Variants in VPS41 observed in about 807,000 individuals in gnomAD.
VPS41 encodes the protein vacuolar protein sorting-associated protein 41 homolog.
VPS41 carries 85 observed loss-of-function variants against 130.9 expected under a neutral mutation model. The observed-to-expected ratio is 0.65, with a 90% CI of 0.55 to 0.78. The LOEUF (loss-of-function observed/expected upper bound fraction) is 0.78. VPS41 is among the 30% of genes least tolerant of loss of function. The pLI is 0.00. For missense variants in VPS41, 874 were observed against 1,018.7 expected (o/e 0.86, Z 1.93); for synonymous variants, 335 against 332.9 (o/e 1.01, Z -0.07).
rs199725343 is a variant in VPS41, at chr7:38,832,307, TTTTC to T, written c.247-1983_247-1980del. 3.7e-3 allele frequency among the ~76,000 whole-genome samples: 552 copies of T among 147,490 alleles called. 7 individuals carry two copies. The highest frequency in any genetic ancestry group is 0.013 in the African/African-American group (505 of 39,914). On this transcript the variant is annotated intron_variant, in intron 4 of 28. Coordinates refer to ENST00000310301, the MANE Select transcript of VPS41 (RefSeq NM_014396.4). ...TAAGTCTTTTACATTTCAGAATTCA[TTTTC>T]TTTCTTTCTTTTTTTTTTTTTTTTT...
In VPS41 at chr7:38,796,823, A is replaced by G. The variant is rs779931279; in HGVS notation, c.492T>C (p.Ser164=). The change falls in exon 8 of 29, where the codon TCT becomes TCC. Residue 164 remains serine, a synonymous_variant. Transcript: ENST00000310301. ...FERSWMNRWK[S]AVLHEGEGNI... ...TCCCTTCCCCTTCATGCAGAACAGC[A>G]GACTTCCATCTGTTCATCCAAGACC... is the stretch of plus-strand genomic sequence containing the variant. 2.4e-5 allele frequency: 39 copies of G among 1,613,894 alleles called. No individual in the cohort carries two copies. Among genetic ancestry groups the G allele is most frequent in the Admixed American group, 6.7e-5 (4 of 59,998 alleles).
Position 38,772,589 on chromosome 7 carries a change from A to G in VPS41, c.1061T>C (p.Val354Ala). The change falls in exon 13 of 29, where the codon GTT becomes GCT. Residue 354 changes from valine (V) to alanine (A), a missense_variant. By Grantham distance (64) the Val-to-Ala change is moderately conservative. Coordinates refer to ENST00000310301, the MANE Select transcript of VPS41 (RefSeq NM_014396.4). ...SLFYIVSPRDVVVAKERDQDD... is the reference protein window; with the variant it reads ...SLFYIVSPRDAVVAKERDQDD... ...TTGGTCTCGTTCCTTGGCCACTACA[A>G]CATCTCTCGGACTCACGATGTAAAA... 2 of 1,613,638 alleles carry G rather than the reference A, an allele frequency of 1.2e-6. No homozygotes were observed. The highest frequency in any genetic ancestry group is 1.7e-6 in the Non-Finnish European group (2 of 1,179,694).
chr7:38,789,696 T>C (rs1784501954), intron 10 of VPS41, 105 bp downstream of exon 10: 1 of 1,097,940 alleles, frequency 9.1e-7, no homozygotes, highest in Non-Finnish European at 1.4e-6. Flanking sequence ...AGGAGGCTGC[T>C]GCAGGGATCC....
intron 2 of VPS41, among the ~76,000 whole-genome samples, chr7:38,886,008 G>A (rs972190049): frequency 2.6e-5 from 4 of 152,056 alleles, no homozygotes. Context: ...GAGAAAACCA[G>A]CTTTTTAAAA....
intron 10 of VPS41, among the ~76,000 whole-genome samples, chr7:38,786,258 C>T (rs1448669859): frequency 6.6e-6 from 1 of 152,204 alleles, no homozygotes; most frequent in East Asian, 1.9e-4. Context: ...CCCTTCTGAA[C>T]ATCAGCTTCT....
chr7:38,900,218 C>T (rs1184603143), intron 1 of VPS41, among the ~76,000 whole-genome samples: 1 of 152,236 alleles, frequency 6.6e-6, no homozygotes, highest in African/African-American at 2.4e-5. Flanking sequence ...GATTGCGTCA[C>T]TGCGTTCCAG....
chr7:38,784,387 C>A (rs1191543047), intron 10 of VPS41, among the ~76,000 whole-genome samples: 1 of 152,122 alleles, frequency 6.6e-6, no homozygotes, highest in Non-Finnish European at 1.5e-5. Flanking sequence ...CCTGTAATCC[C>A]AGCATGTTGG....
chr7:38,821,963 T>G (rs1187657498), intron 5 of VPS41, among the ~76,000 whole-genome samples: 2 of 152,156 alleles, frequency 1.3e-5, no homozygotes, highest in Non-Finnish European at 2.9e-5. Flanking sequence ...GGGAGATTTT[T>G]TTTTAGTGTC....
chr7:38,892,274 G>A (rs1786882774), intron 2 of VPS41, among the ~76,000 whole-genome samples: 1 of 152,084 alleles, frequency 6.6e-6, no homozygotes, highest in Non-Finnish European at 1.5e-5. Flanking sequence ...TGGAGCCTCG[G>A]AGTCAAACTA....
intron 10 of VPS41, 45 bp from the exon 11 acceptor site, chr7:38,776,821 C>T (rs1475165303): frequency 5.6e-6 from 6 of 1,062,032 alleles, no homozygotes; most frequent in Non-Finnish European, 8.8e-6. Context: ...CAGGGGCAAA[C>T]AGCAGCACAC....
intron 7 of VPS41, among the ~76,000 whole-genome samples, chr7:38,806,216 T>C (rs1243804057): frequency 6.6e-6 from 1 of 152,172 alleles, no homozygotes; most frequent in Non-Finnish European, 1.5e-5. Flanking sequence ...GCAACACATA[T>C]TAAATGCCTA....
At chr7:38,905,360 C>T (rs1218061948) in intron 1 of VPS41, among the ~76,000 whole-genome samples, 2 of 152,176 alleles carry the variant, frequency 1.3e-5, no homozygotes, top group Non-Finnish European at 2.9e-5. Flanking sequence ...CTAAGCAAAA[C>T]TGCTGGTTAG....
At chr7:38,796,437 A>G (rs1476170868) in intron 8 of VPS41, 1 of 494,262 alleles carries the variant, frequency 2.0e-6, no homozygotes, top group Non-Finnish European at 4.0e-6. Flanking sequence ...GGCAAATGAT[A>G]TTTTCAAGAC....
intron 17 of VPS41, among the ~76,000 whole-genome samples, chr7:38,761,359 T>TC (rs1399997933): frequency 7.3e-6 from 1 of 137,192 alleles, no homozygotes; most frequent in Non-Finnish European, 1.5e-5. Flanking sequence ...CACTGCAACC[T>TC]CCGCCTCCTA....
At chr7:38,887,635 C>T (rs536401003) in intron 2 of VPS41, among the ~76,000 whole-genome samples, 36 of 152,240 alleles carry the variant, frequency 2.4e-4, no homozygotes, top group Non-Finnish European at 1.9e-4. Context: ...ACTTCCCCAA[C>T]CTAGCAAGAC....
intron 25 of VPS41, among the ~76,000 whole-genome samples, chr7:38,729,845 C>G (rs1795627074): frequency 6.6e-6 from 1 of 152,196 alleles, no homozygotes; most frequent in Admixed American, 6.5e-5. Flanking sequence ...CCACCCTTTG[C>G]TGGGTTTTCT....
intron 1 of VPS41, among the ~76,000 whole-genome samples, chr7:38,903,226 T>G (rs1229281948): frequency 6.6e-6 from 1 of 152,184 alleles, no homozygotes; most frequent in Non-Finnish European, 1.5e-5. Context: ...CATACAGGCT[T>G]TCAACCAGCC....
intron 4 of VPS41, among the ~76,000 whole-genome samples, chr7:38,850,603 T>C (rs1785832989): frequency 6.6e-6 from 1 of 152,204 alleles, no homozygotes; most frequent in African/African-American, 2.4e-5. Context: ...TTTCATTTAA[T>C]AATAGGAAGA....
intron 7 of VPS41, 22 bp from the exon 8 acceptor site, chr7:38,796,886 A>T: frequency 6.2e-7 from 1 of 1,613,392 alleles, no homozygotes; most frequent in Non-Finnish European, 8.5e-7. Context: ...AAGCATAAAC[A>T]AAGAATCTTA....
Sources: allele counts gnomAD v4.1 joint callset (sites outside exome capture counted in the v4.1 genomes callset), GRCh38; gene constraint gnomAD v4.1.1; transcripts MANE v1.5; gene names NCBI Gene and HGNC (gene_info 2026-07-23, HGNC 2026-07-21).